Variants in SLC4A10 observed in about 807,000 individuals in gnomAD.
SLC4A10 encodes the protein solute carrier family 4 member 10, also known as sodium-driven chloride bicarbonate exchanger.
Under a neutral mutation model 137.7 loss-of-function variants are expected in SLC4A10, and 42 were observed. That is an observed-to-expected ratio of 0.30 (90% CI 0.24 to 0.39). The LOEUF (loss-of-function observed/expected upper bound fraction) is 0.39. Among genes scored for constraint, SLC4A10 ranks in the 10% least tolerant of loss-of-function variants. SLC4A10 has a pLI of 1.00. For missense variants in SLC4A10, 925 were observed against 1,355.0 expected (o/e 0.68, Z 4.98); for synonymous variants, 474 against 464.1 (o/e 1.02, Z -0.27).
chr2:161,942,871 A>T lies in SLC4A10; in HGVS notation c.2077A>T (p.Ile693Leu). ...GGAATCCAATATTTCTGCCTCTGAC[A>T]TAATTTGGGAGAACCTAACTGTGTC... is the stretch of plus-strand genomic sequence containing the variant. Reference protein sequence around the residue: ...WRESNISASDIIWENLTVSEC... With the variant: ...WRESNISASDLIWENLTVSEC... Residue 693 changes from isoleucine (I) to leucine (L), a missense_variant, in exon 16 of 27, where the codon ATA (isoleucine) becomes TTA (leucine). Transcript: ENST00000446997. 10 of 1,599,072 alleles carry T rather than the reference A, an allele frequency of 6.3e-6. No individual in the cohort carries two copies. The highest frequency in any genetic ancestry group is 8.5e-6 in the Non-Finnish European group (10 of 1,172,288).
At chr2:161,718,969 T>G (rs998538152) in intron 1 of SLC4A10, among the ~76,000 whole-genome samples, 1 of 152,106 alleles carries the variant, frequency 6.6e-6, no homozygotes, top group Non-Finnish European at 1.5e-5. Flanking sequence ...TAGTTACATA[T>G]GTATACATGT....
chr2:161,740,546 C>A lies in SLC4A10; in HGVS notation c.49-30427C>A, dbSNP rs186475702. Among the ~76,000 whole-genome samples, 221 of 152,192 alleles carry A rather than the reference C, an allele frequency of 1.5e-3. 1 individual carries two copies. Among genetic ancestry groups the A allele is most frequent in the African/African-American group, 5.0e-3 (208 of 41,530 alleles). ...ATGTTTGATAGCAAGGTATTAAATG[C>A]CCCTCAAATGGAAATTCTCTAGTCC... is the stretch of plus-strand genomic sequence containing the variant. On this transcript the variant is annotated intron_variant, in intron 1 of 26. Coordinates refer to ENST00000446997, the MANE Select transcript of SLC4A10 (RefSeq NM_001178015.2).
intron 7 of SLC4A10, among the ~76,000 whole-genome samples, chr2:161,873,466 G>A (rs562363075): frequency 2.2e-5 from 3 of 136,140 alleles, no homozygotes; most frequent in Non-Finnish European, 4.6e-5. Flanking sequence ...AGGAGGCAGA[G>A]ATTGCAGTGA....
chr2:161,718,968 A>G (rs1178564240), intron 1 of SLC4A10, among the ~76,000 whole-genome samples: 8 of 152,092 alleles, frequency 5.3e-5, no homozygotes, highest in Non-Finnish European at 7.4e-5. Flanking sequence ...ATAGTTACAT[A>G]TGTATACATG....
intron 1 of SLC4A10, among the ~76,000 whole-genome samples, chr2:161,656,977 A>G (rs1411396050): frequency 6.6e-6 from 1 of 152,066 alleles, no homozygotes; most frequent in Non-Finnish European, 1.5e-5. Flanking sequence ...AAGATTTATA[A>G]TTTGTTAGAT....
intron 7 of SLC4A10, 167 bp from the exon 8 acceptor site, chr2:161,873,749 G>A (rs534939745): frequency 5.2e-6 from 3 of 579,566 alleles, no homozygotes; most frequent in Non-Finnish European, 8.9e-6. Context: ...CTGAATCAAG[G>A]TTCTGAAAAG....
At chr2:161,842,955 C>T (rs915726851) in intron 4 of SLC4A10, among the ~76,000 whole-genome samples, 9 of 152,134 alleles carry the variant, frequency 5.9e-5, no homozygotes, top group Non-Finnish European at 8.8e-5. Context: ...TGAAGGAAGG[C>T]GATCTGGTGA....
chr2:161,867,883 C>T (rs2060860237), intron 6 of SLC4A10, among the ~76,000 whole-genome samples: 1 of 151,842 alleles, frequency 6.6e-6, no homozygotes, highest in Non-Finnish European at 1.5e-5. Context: ...AGGCTCATCT[C>T]ATCTCTGTAC....
intron 10 of SLC4A10, among the ~76,000 whole-genome samples, chr2:161,887,670 A>T (rs1254247404): frequency 1.3e-5 from 2 of 151,928 alleles, no homozygotes; most frequent in African/African-American, 4.8e-5. Flanking sequence ...TTTCTTGTAA[A>T]TTTGTTGAAG....
intron 1 of SLC4A10, among the ~76,000 whole-genome samples, chr2:161,634,033 C>G (rs1301312420): frequency 6.6e-6 from 1 of 151,762 alleles, no homozygotes; most frequent in Non-Finnish European, 1.5e-5. Context: ...ATTAACTAAA[C>G]TACCATATTC....
rs16845997 is a variant in SLC4A10, at chr2:161,664,536, C to T, written c.48+39970C>T. Among the ~76,000 whole-genome samples the T allele has an allele frequency of 4.5e-4, 68 of 151,748 alleles. 1 individual carries two copies. Among genetic ancestry groups the T allele is most frequent in the Non-Finnish European group, 1.2e-4 (8 of 67,748 alleles). On this transcript the variant is annotated intron_variant, in intron 1 of 26. Transcript: ENST00000446997. ...TTTTTAGCATATTTTCAGCCTATGG[C>T]ATCATTGCTAGACTATATTAGATCA... is the stretch of plus-strand genomic sequence containing the variant.
intron 1 of SLC4A10, among the ~76,000 whole-genome samples, chr2:161,697,128 C>G (rs1374016352): frequency 2.6e-5 from 4 of 152,092 alleles, no homozygotes; most frequent in Non-Finnish European, 4.4e-5. Context: ...TTGTTCATAT[C>G]CTTCGCCCAC....
chr2:161,685,431 C>T (rs1468148392), intron 1 of SLC4A10, among the ~76,000 whole-genome samples: 1 of 152,066 alleles, frequency 6.6e-6, no homozygotes, highest in African/African-American at 2.4e-5. Flanking sequence ...CATGGCAAAA[C>T]CCCATCTCTA....
At chr2:161,915,945 ATAAAGG>A (rs1264529178) in intron 15 of SLC4A10, among the ~76,000 whole-genome samples, 2 of 152,214 alleles carry the variant, frequency 1.3e-5, no homozygotes, top group African/African-American at 2.4e-5. Flanking sequence ...GTGCTATCAT[ATAAAGG>A]TATATGATGC....
At chr2:161,799,920 T>C (rs2055187996) in intron 2 of SLC4A10, among the ~76,000 whole-genome samples, 1 of 152,036 alleles carries the variant, frequency 6.6e-6, no homozygotes, top group Non-Finnish European at 1.5e-5. Flanking sequence ...ATATAGTAAA[T>C]GGTCTTCTCC....
chr2:161,678,816 T>C (rs1253508600), intron 1 of SLC4A10, among the ~76,000 whole-genome samples: 3 of 152,178 alleles, frequency 2.0e-5, no homozygotes, highest in African/African-American at 7.2e-5. Flanking sequence ...TTCTATGTAG[T>C]ATTTCATTAT....
In SLC4A10 at chr2:161,771,017, T is replaced by C. The variant is rs1166165208; in HGVS notation, c.93T>C (p.Ser31=). Residue 31 remains serine (S), a synonymous_variant, in exon 2 of 27, where the codon TCT becomes TCC. Transcript: ENST00000446997. Reference sequence around the variant, plus strand: ...TTGTGGATAGAGGTGGAACTCGTTCTATTCTCAAAACACACTTTGAGAAAG... The same window carrying C: ...TTGTGGATAGAGGTGGAACTCGTTCCATTCTCAAAACACACTTTGAGAAAG... ...EAVVDRGGTR[S]ILKTHFEKED... 3 of 1,606,176 alleles carry C rather than the reference T, an allele frequency of 1.9e-6. No homozygotes were observed. Among genetic ancestry groups the C allele is most frequent in the South Asian group, 2.2e-5 (2 of 89,656 alleles).
intron 6 of SLC4A10, among the ~76,000 whole-genome samples, chr2:161,864,112 G>C (rs193105050): frequency 5.1e-4 from 77 of 152,208 alleles, no homozygotes; most frequent in Non-Finnish European, 8.2e-4. Flanking sequence ...TGAGGCAGGA[G>C]AATGGTGTGA....
chr2:161,884,713 C>A (rs2062097517), intron 10 of SLC4A10, among the ~76,000 whole-genome samples: 1 of 152,130 alleles, frequency 6.6e-6, no homozygotes, highest in South Asian at 2.1e-4. Flanking sequence ...CAGAAAGCTA[C>A]TCTAAAAGAT....
Sources: gnomAD v4.1 joint callset for allele counts (sites outside exome capture counted in the v4.1 genomes callset) on GRCh38, gnomAD v4.1.1 for gene constraint, MANE v1.5 for transcripts, NCBI Gene and HGNC (gene_info 2026-07-23, HGNC 2026-07-21) for gene names.